ATXN1: variants seen among roughly 807,000 people sequenced by gnomAD.
ATXN1 encodes ataxin-1.
Under a neutral mutation model 56.4 loss-of-function variants are expected in ATXN1, and 8 were observed. The ratio of observed to expected loss-of-function variants is 0.14; its 90% confidence interval spans 0.08 to 0.26. The LOEUF (loss-of-function observed/expected upper bound fraction) is 0.26, where lower values mean the gene tolerates loss of function less well. Among genes scored for constraint, ATXN1 ranks in the 10% least tolerant of loss-of-function variants. The pLI is 1.00. For synonymous variants in ATXN1, 514 were observed against 494.6 expected (o/e 1.04, Z -0.52); for missense variants, 987 against 1,106.5 (o/e 0.89, Z 1.53).
Position 16,579,492 on chromosome 6 carries a change from C to CA in ATXN1, c.-361+6287dup, listed in dbSNP as rs1491246735. On this transcript the variant is annotated intron_variant, in intron 4 of 7. Coordinates refer to ENST00000436367, the MANE Select transcript of ATXN1 (RefSeq NM_001128164.2). ...TACCTTGGTCAAAGCCCCCCCCCCC[C>CA]ACCCGCCGATTCATTCCCAAGTCCA... is the stretch of plus-strand genomic sequence containing the variant. 4.4e-3 allele frequency among the ~76,000 whole-genome samples: 189 copies of CA among 42,552 alleles called. 15 individuals are homozygous for CA. Among genetic ancestry groups the CA allele is most frequent in the African/African-American group, 0.02 (180 of 9,076 alleles). 27.9% of individuals were successfully genotyped at this position (42,552 alleles called of 152,430 possible).
At chr6:16,627,561 T>C (rs1763428512) in intron 3 of ATXN1, among the ~76,000 whole-genome samples, 1 of 152,080 alleles carries the variant, frequency 6.6e-6, no homozygotes, top group Non-Finnish European at 1.5e-5. Context: ...ATCCCATCTC[T>C]ACTAAAAATA....
chr6:16,444,600 T>C (rs1561898560), intron 6 of ATXN1, among the ~76,000 whole-genome samples: 1 of 152,190 alleles, frequency 6.6e-6, no homozygotes, highest in African/African-American at 2.4e-5. Context: ...TGCAAATTGG[T>C]AAATAGACAG....
chr6:16,566,995 G>A (rs1352900589), intron 4 of ATXN1, among the ~76,000 whole-genome samples: 2 of 152,222 alleles, frequency 1.3e-5, no homozygotes, highest in African/African-American at 4.8e-5. Context: ...GTAACAACCT[G>A]AGCATATTTA....
chr6:16,682,444 G>A (rs1360954734), intron 2 of ATXN1, among the ~76,000 whole-genome samples: 2 of 151,946 alleles, frequency 1.3e-5, no homozygotes, highest in African/African-American at 4.8e-5. Context: ...TGATCTGTCC[G>A]CCTCGGCCTC....
At chr6:16,418,275 T>C (rs754244060) in intron 6 of ATXN1, among the ~76,000 whole-genome samples, 8 of 152,214 alleles carry the variant, frequency 5.3e-5, no homozygotes, top group African/African-American at 1.9e-4. Flanking sequence ...GTACAATTAG[T>C]CCCTTCCTCT....
chr6:16,507,282 T>C (rs999007692), intron 5 of ATXN1, among the ~76,000 whole-genome samples: 1 of 152,140 alleles, frequency 6.6e-6, no homozygotes, highest in Non-Finnish European at 1.5e-5. Flanking sequence ...CTCTGCACTA[T>C]AGAAGGTGTT....
At chr6:16,615,387 G>A (rs142919666) in intron 3 of ATXN1, 2,452 of 150,596 alleles carry the variant, frequency 0.016, 54 homozygotes, top group Middle Eastern at 0.054. Flanking sequence ...GGAAATCCCC[G>A]CTTGATGGTA....
chr6:16,616,155 C>T (rs1047665232), intron 3 of ATXN1: 1 of 152,104 alleles, frequency 6.6e-6, no homozygotes, highest in Non-Finnish European at 1.5e-5. Context: ...TATTAAAATA[C>T]AGGAGACAAA....
rs139322945 is a variant in ATXN1, at chr6:16,566,973, A to T, written c.-361+18807T>A. On this transcript the variant is annotated intron_variant, in intron 4 of 7. Coordinates refer to ENST00000436367, the MANE Select transcript of ATXN1 (RefSeq NM_001128164.2). ...TAAGTTGTCTTTCATATGCTTTGGC[A>T]TTCAATGCTCAGTAACAACCTGAGC... Among the ~76,000 whole-genome samples the T allele has an allele frequency of 1.6e-3, 242 of 152,336 alleles. 1 individual carries two copies. In the South Asian group the frequency reaches 0.022, roughly 14 times the overall value.
chr6:16,372,816 T>C (rs1762068236), intron 6 of ATXN1, among the ~76,000 whole-genome samples: 1 of 152,172 alleles, frequency 6.6e-6, no homozygotes, highest in Non-Finnish European at 1.5e-5. Flanking sequence ...CTAGGGAGGC[T>C]GAGGCAGGAG....
At chr6:16,626,327 C>T (rs1763405666) in intron 3 of ATXN1, among the ~76,000 whole-genome samples, 1 of 151,996 alleles carries the variant, frequency 6.6e-6, no homozygotes, top group Admixed American at 6.6e-5. Flanking sequence ...CCTCTGTTGC[C>T]CAGGCTGGAG....
intron 7 of ATXN1, among the ~76,000 whole-genome samples, chr6:16,323,525 C>CAAAAAAA (rs35308265): frequency 1.0e-4 from 5 of 48,844 alleles, no homozygotes; most frequent in Admixed American, 3.0e-4. Context: ...ACTCTGTCTC[C>CAAAAAAA]AAAAAAAAAA....
At chr6:16,407,680 G>A (rs996820000) in intron 6 of ATXN1, among the ~76,000 whole-genome samples, 1 of 152,184 alleles carries the variant, frequency 6.6e-6, no homozygotes, top group African/African-American at 2.4e-5. Flanking sequence ...TAAATCCCAG[G>A]CCAGTAGCTT....
chr6:16,633,406 A>AAAGCCCTTG (rs1223687545), intron 3 of ATXN1, among the ~76,000 whole-genome samples: 47 of 152,190 alleles, frequency 3.1e-4, no homozygotes, highest in African/African-American at 1.1e-3. Flanking sequence ...TTTGGAAGGG[A>AAAGCCCTTG]AAGCCCTTGA....
At chr6:16,375,702 T>A (rs529784244) in intron 6 of ATXN1, among the ~76,000 whole-genome samples, 24 of 152,332 alleles carry the variant, frequency 1.6e-4, no homozygotes, top group African/African-American at 5.8e-4. Flanking sequence ...CTTCCTATGA[T>A]ACTAATTTAA....
chr6:16,491,282 T>A (rs867349772), intron 5 of ATXN1, among the ~76,000 whole-genome samples: 102 of 119,066 alleles, frequency 8.6e-4, no homozygotes, highest in East Asian at 2.6e-3. Context: ...TTATTATTTT[T>A]TTTTTTTTTT....
intron 6 of ATXN1, among the ~76,000 whole-genome samples, chr6:16,434,738 C>G (rs1269881836): frequency 1.3e-5 from 2 of 152,198 alleles, no homozygotes; most frequent in Non-Finnish European, 1.5e-5. Flanking sequence ...AGGCACTGTG[C>G]TGCTAGGAGC....
chr6:16,648,566 T>C (rs990083317), intron 3 of ATXN1, among the ~76,000 whole-genome samples: 5 of 152,206 alleles, frequency 3.3e-5, no homozygotes, highest in Non-Finnish European at 7.4e-5. Flanking sequence ...ACCTTAGCCA[T>C]GGTATATTTC....
intron 6 of ATXN1, among the ~76,000 whole-genome samples, chr6:16,473,866 A>G (rs1231831126): frequency 6.6e-6 from 1 of 152,146 alleles, no homozygotes; most frequent in Non-Finnish European, 1.5e-5. Flanking sequence ...ATCTTCTCCT[A>G]TGCTATCCCT....
Sources: allele counts gnomAD v4.1 joint callset (sites outside exome capture counted in the v4.1 genomes callset), GRCh38; gene constraint gnomAD v4.1.1; transcripts MANE v1.5; gene names NCBI Gene and HGNC (gene_info 2026-07-23, HGNC 2026-07-21).